SLC23A2: variants seen among roughly 807,000 people sequenced by gnomAD.
The protein encoded by SLC23A2 is Na(+)/L-ascorbic acid transporter 2.
SLC23A2 carries 36 observed loss-of-function variants against 73.3 expected under a neutral mutation model. The observed-to-expected ratio is 0.49, with a 90% CI of 0.38 to 0.65. The LOEUF is 0.65. SLC23A2 is among the 30% of genes least tolerant of loss of function. SLC23A2 has a pLI of 0.00. For synonymous variants in SLC23A2, 343 were observed against 327.3 expected, an observed-to-expected ratio of 1.05 and a Z score of -0.52; for missense variants, 507 against 841.6, an observed-to-expected ratio of 0.60 and a Z score of 4.92.
chr20:4,878,619 C>T (rs1930750313), intron 9 of SLC23A2, among the ~76,000 whole-genome samples: 1 of 152,162 alleles, frequency 6.6e-6, no homozygotes, highest in African/African-American at 2.4e-5. Context: ...AGGTTTTCTT[C>T]TAGCACTTTT....
chr20:4,994,784 A>G (rs2087990517), intron 1 of SLC23A2, among the ~76,000 whole-genome samples: 1 of 151,344 alleles, frequency 6.6e-6, no homozygotes, highest in African/African-American at 2.4e-5. Context: ...AAAATACAAA[A>G]ATTAGCCAGG....
intron 12 of SLC23A2, chr20:4,869,463 G>GCT (rs201833823): frequency 0.029 from 4,324 of 146,694 alleles, 68 homozygotes; most frequent in Middle Eastern, 0.054. Context: ...TCAAAGTAGT[G>GCT]CTCTCTATCT....
At chr20:4,911,182 G>A (rs553092835) in intron 4 of SLC23A2, among the ~76,000 whole-genome samples, 62 of 152,298 alleles carry the variant, frequency 4.1e-4, no homozygotes, top group African/African-American at 1.4e-3. Context: ...CTCAGCTGCA[G>A]ACCACAGGCA....
rs574379772 is a variant in SLC23A2, at chr20:4,868,072, A to ATTTT, written c.1251-201_1251-198dup. Among the ~76,000 whole-genome samples the ATTTT allele has an allele frequency of 1.1e-5, 1 of 94,416 alleles. No homozygotes were observed. Among genetic ancestry groups the ATTTT allele is most frequent in the African/African-American group, 4.9e-5 (1 of 20,562 alleles). The allele number at this position is 94,416 out of a possible 152,430, so 61.9% of individuals were successfully genotyped here. Reference sequence around the variant, plus strand: ...CCTGCTGAAGCAGAAAAGAATCTGCATTTTTTTTTTTTTTTTTTTTTTTTT... The same window carrying ATTTT: ...CCTGCTGAAGCAGAAAAGAATCTGCATTTTTTTTTTTTTTTTTTTTTTTTTTTTT... On this transcript the variant is annotated intron_variant, in intron 12 of 16. Transcript: ENST00000338244. This position sits in a 1 kb window ranked among gnomAD's most constrained non-coding sequence, Gnocchi z 4.4.
At position 4,856,905 on chromosome 20, in the gene SLC23A2, CT is replaced by C; in HGVS notation, c.*66del. 1 of 986,820 alleles carries C rather than the reference CT, an allele frequency of 1.0e-6. No homozygotes were observed. Among genetic ancestry groups the C allele is most frequent in the Non-Finnish European group, 1.6e-6 (1 of 633,788 alleles). The allele number at this position is 986,820 out of a possible 1,614,324, so 61.1% of individuals were successfully genotyped here. ...AGATATACAAACATGTATTTTACTT[CT>C]TGTTACTCAGCAAGGAACTACAGAT... On this transcript the variant is annotated 3_prime_UTR_variant, in exon 17 of 17. Coordinates refer to ENST00000338244, the MANE Select transcript of SLC23A2 (RefSeq NM_005116.6). This position sits in a 1 kb window ranked among gnomAD's most constrained non-coding sequence, Gnocchi z 4.6.
intron 2 of SLC23A2, among the ~76,000 whole-genome samples, chr20:4,967,174 A>T (rs2087488281): frequency 6.6e-6 from 1 of 152,172 alleles, no homozygotes; most frequent in Non-Finnish European, 1.5e-5. Flanking sequence ...AAATCCAGAA[A>T]GGCTTTATTG....
intron 8 of SLC23A2, among the ~76,000 whole-genome samples, chr20:4,884,236 T>C (rs1931007413): frequency 6.6e-6 from 1 of 152,186 alleles, no homozygotes; most frequent in Non-Finnish European, 1.5e-5. Flanking sequence ...TCTAAAGGGA[T>C]GTTTTTAGTG....
chr20:4,929,299 A>G (rs950923353), intron 3 of SLC23A2, among the ~76,000 whole-genome samples: 1 of 151,596 alleles, frequency 6.6e-6, no homozygotes, highest in East Asian at 1.9e-4. Flanking sequence ...AAAAAAAAAC[A>G]CTTATGGAAA....
At chr20:4,906,016 A>AT (rs1266829309) in intron 4 of SLC23A2, among the ~76,000 whole-genome samples, 1 of 151,916 alleles carries the variant, frequency 6.6e-6, no homozygotes, top group South Asian at 2.1e-4. Flanking sequence ...TGTGCTTTCT[A>AT]TTTTTTTTCT....
chr20:4,978,619 T>A (rs1368487639), intron 1 of SLC23A2, among the ~76,000 whole-genome samples: 2 of 152,152 alleles, frequency 1.3e-5, no homozygotes, highest in Non-Finnish European at 2.9e-5. Flanking sequence ...AAACAGAGTC[T>A]TATCCCCAGT....
chr20:4,867,998 TGG>T, intron 12 of SLC23A2, 123 bp from the exon 13 acceptor site: 1 of 330,496 alleles, frequency 3.0e-6, no homozygotes, highest in East Asian at 5.3e-5. Context: ...CCACATCTCC[TGG>T]GAGCTGGGAG....
At chr20:4,859,743 A>C (rs984463995) in intron 15 of SLC23A2, among the ~76,000 whole-genome samples, 1 of 152,246 alleles carries the variant, frequency 6.6e-6, no homozygotes, top group African/African-American at 2.4e-5. Flanking sequence ...GCTGAGAAAA[A>C]ATTACAAAGT....
chr20:4,874,783 C>T, intron 9 of SLC23A2, 87 bp from the exon 10 acceptor site: 1 of 1,138,526 alleles, frequency 8.8e-7, no homozygotes, highest in Admixed American at 2.5e-5. Context: ...GCAAAATTGA[C>T]ATAGTGTTCA....
intron 9 of SLC23A2, among the ~76,000 whole-genome samples, chr20:4,877,350 C>T (rs1930701362): frequency 6.6e-6 from 1 of 152,072 alleles, no homozygotes; most frequent in Non-Finnish European, 1.5e-5. Flanking sequence ...TGAGCATCAG[C>T]TGAGAAATGG....
At chr20:4,948,838 C>T (rs2087155703) in intron 2 of SLC23A2, among the ~76,000 whole-genome samples, 1 of 152,136 alleles carries the variant, frequency 6.6e-6, no homozygotes, top group Non-Finnish European at 1.5e-5. Flanking sequence ...GTATCTGAAC[C>T]TGACATTTTT....
chr20:4,966,837 C>CACACACACACACACACACACAT (rs2087484263), intron 2 of SLC23A2, among the ~76,000 whole-genome samples: 1 of 147,066 alleles, frequency 6.8e-6, no homozygotes, highest in African/African-American at 2.6e-5. Flanking sequence ...CACACACACA[C>CACACACACACACACACACACAT]ACACACACAC....
chr20:4,927,211 C>A (rs896541973), intron 3 of SLC23A2, among the ~76,000 whole-genome samples: 1 of 152,146 alleles, frequency 6.6e-6, no homozygotes, highest in African/African-American at 2.4e-5. Context: ...TAAATGTAAA[C>A]GTCACATGTG....
intron 1 of SLC23A2, among the ~76,000 whole-genome samples, chr20:4,991,763 C>A (rs1465903087): frequency 1.4e-5 from 2 of 138,440 alleles, no homozygotes; most frequent in Admixed American, 7.2e-5. Flanking sequence ...CACACACACA[C>A]AAAAGTAATC....
chr20:4,912,010 CTT>C (rs11353402), intron 4 of SLC23A2, among the ~76,000 whole-genome samples: 1,513 of 136,474 alleles, frequency 0.011, 20 homozygotes, highest in African/African-American at 0.036. Flanking sequence ...ATAATTATTT[CTT>C]TTTTTTTTTT....
Sources: gnomAD v4.1 joint callset for allele counts (sites outside exome capture counted in the v4.1 genomes callset) on GRCh38, gnomAD v4.1.1 for gene constraint, Gnocchi (gnomAD v3.1) non-coding constraint, MANE v1.5 for transcripts, NCBI Gene and HGNC (gene_info 2026-07-23, HGNC 2026-07-21) for gene names.